Variants in AHCYL2 observed in about 807,000 individuals in gnomAD.
AHCYL2 encodes S-adenosylhomocysteine hydrolase-like protein 2.
A neutral mutation model predicts 81.4 loss-of-function variants in AHCYL2; 28 were observed. The observed-to-expected ratio is 0.34, with a 90% CI of 0.25 to 0.47. The LOEUF is 0.47. AHCYL2 is among the 20% of genes least tolerant of loss of function. The pLI is 1.00. For missense variants in AHCYL2, 551 were observed against 785.1 expected, an observed-to-expected ratio of 0.70 and a Z score of 3.56; for synonymous variants, 272 against 290.2, an observed-to-expected ratio of 0.94 and a Z score of 0.64.
Position 129,424,827 on chromosome 7 carries a change from C to A in AHCYL2, c.1561-47C>A, listed in dbSNP as rs985611317. 3 of 1,605,148 alleles carry A rather than the reference C, an allele frequency of 1.9e-6. No individual in the cohort carries two copies. In the African/African-American group the frequency reaches 4.0e-5, roughly 21 times the overall value. ...TTCTCTTCCCTCACTTCTCAAAGGC[C>A]AGCGACTTTGTCCTAATCCATTTGT... On this transcript the variant is annotated intron_variant, in intron 13 of 16. Coordinates refer to ENST00000325006, the MANE Select transcript of AHCYL2 (RefSeq NM_015328.4).
intron 1 of AHCYL2, among the ~76,000 whole-genome samples, chr7:129,290,612 A>C (rs914768565): frequency 6.6e-6 from 1 of 151,776 alleles, no homozygotes; most frequent in African/African-American, 2.4e-5. Flanking sequence ...ATATGGTTGC[A>C]GGTGAAAGAA....
chr7:129,288,374 AT>A (rs1796714043), intron 1 of AHCYL2, among the ~76,000 whole-genome samples: 1 of 151,920 alleles, frequency 6.6e-6, no homozygotes, highest in Non-Finnish European at 1.5e-5. Context: ...ATTTTATTTT[AT>A]TTTATTGAGA....
chr7:129,337,380 C>T (rs1304813164), intron 1 of AHCYL2, among the ~76,000 whole-genome samples: 1 of 151,812 alleles, frequency 6.6e-6, no homozygotes, highest in Admixed American at 6.6e-5. Flanking sequence ...TATAGATAGG[C>T]CGTAATTTAT....
intron 1 of AHCYL2, among the ~76,000 whole-genome samples, chr7:129,376,311 G>T (rs1794686444): frequency 6.6e-6 from 1 of 152,160 alleles, no homozygotes; most frequent in African/African-American, 2.4e-5. Context: ...CTCATGTTCT[G>T]GTCGTCAGAG....
At chr7:129,408,746 A>ATAAAGGCATAACCC (rs1469047618) in intron 10 of AHCYL2, among the ~76,000 whole-genome samples, 10 of 152,178 alleles carry the variant, frequency 6.6e-5, no homozygotes, top group South Asian at 4.1e-4. Context: ...AGAGAAAAGA[A>ATAAAGGCATAACCC]TAAAGGCATA....
At chr7:129,314,907 T>C (rs183071674) in intron 1 of AHCYL2, among the ~76,000 whole-genome samples, 30 of 152,338 alleles carry the variant, frequency 2.0e-4, no homozygotes, top group Admixed American at 3.9e-4. Flanking sequence ...GTTGGCTTAT[T>C]TGCTGCTTTT....
chr7:129,233,287 C>T (rs973497306), intron 1 of AHCYL2, among the ~76,000 whole-genome samples: 1 of 152,022 alleles, frequency 6.6e-6, no homozygotes, highest in Admixed American at 6.6e-5. Context: ...CTGGTTCAAG[C>T]AATCCTCCTG....
chr7:129,260,627 G>A (rs1795592644), intron 1 of AHCYL2, among the ~76,000 whole-genome samples: 1 of 152,060 alleles, frequency 6.6e-6, no homozygotes, highest in Admixed American at 6.6e-5. Context: ...ATAATTCTCA[G>A]GGTGTTGCTT....
intron 1 of AHCYL2, among the ~76,000 whole-genome samples, chr7:129,281,267 A>G (rs1796433945): frequency 6.6e-6 from 1 of 152,036 alleles, no homozygotes; most frequent in Non-Finnish European, 1.5e-5. Flanking sequence ...GTTTGCTGAA[A>G]TTTTTAAAAT....
intron 1 of AHCYL2, 111 bp downstream of exon 1, chr7:129,225,550 G>A: frequency 7.2e-7 from 1 of 1,387,184 alleles, no homozygotes; most frequent in Non-Finnish European, 9.3e-7. Context: ...TCGCAGGACC[G>A]GAGATACCCC....
chr7:129,276,759 A>C (rs889814729), intron 1 of AHCYL2, among the ~76,000 whole-genome samples: 4 of 151,358 alleles, frequency 2.6e-5, no homozygotes, highest in African/African-American at 7.3e-5. Flanking sequence ...AAAGAAAAAA[A>C]CCACAAAGAT....
intron 1 of AHCYL2, among the ~76,000 whole-genome samples, chr7:129,233,565 G>T (rs1053822035): frequency 2.0e-5 from 3 of 152,230 alleles, no homozygotes; most frequent in Admixed American, 6.5e-5. Context: ...TCCGCTCACT[G>T]CAACCTCCGC....
chr7:129,281,983 C>G (rs557140112), intron 1 of AHCYL2, among the ~76,000 whole-genome samples: 1 of 152,160 alleles, frequency 6.6e-6, no homozygotes, highest in African/African-American at 2.4e-5. Context: ...TGTTCTTTGA[C>G]CCATCAGTTA....
chr7:129,304,861 G>A (rs1797374943), intron 1 of AHCYL2, among the ~76,000 whole-genome samples: 1 of 151,426 alleles, frequency 6.6e-6, no homozygotes, highest in South Asian at 2.1e-4. Context: ...TTTGATTGGG[G>A]AGTTTAGTCC....
chr7:129,424,256 C>T (rs1178680147), intron 13 of AHCYL2, among the ~76,000 whole-genome samples: 7 of 151,792 alleles, frequency 4.6e-5, no homozygotes, highest in South Asian at 4.2e-4. Flanking sequence ...AAAAGTTAGC[C>T]GGGCATGGTG....
chr7:129,290,866 T>C (rs1336174189), intron 1 of AHCYL2, among the ~76,000 whole-genome samples: 1 of 147,044 alleles, frequency 6.8e-6, no homozygotes, highest in Non-Finnish European at 1.5e-5. Flanking sequence ...GGAGGTGGAG[T>C]GTGCAGTGAG....
At chr7:129,353,919 A>G (rs1793652906) in intron 1 of AHCYL2, among the ~76,000 whole-genome samples, 1 of 152,074 alleles carries the variant, frequency 6.6e-6, no homozygotes, top group African/African-American at 2.4e-5. Context: ...ATAATATCAG[A>G]AAAGCCAAAG....
At chr7:129,309,618 C>T (rs187203076) in intron 1 of AHCYL2, among the ~76,000 whole-genome samples, 2 of 152,182 alleles carry the variant, frequency 1.3e-5, no homozygotes, top group African/African-American at 4.8e-5. Context: ...TAAATATCTT[C>T]TATTCTTTTG....
intron 8 of AHCYL2, chr7:129,405,604 A>C: frequency 2.2e-6 from 1 of 445,670 alleles, no homozygotes; most frequent in Non-Finnish European, 3.9e-6. Context: ...CTGTCTGGTC[A>C]TTAGTTTCTC....
Sources: gnomAD v4.1 joint callset for allele counts (sites outside exome capture counted in the v4.1 genomes callset) on GRCh38, gnomAD v4.1.1 for gene constraint, MANE v1.5 for transcripts, NCBI Gene and HGNC (gene_info 2026-07-23, HGNC 2026-07-21) for gene names.